IFRD1: variants seen among roughly 807,000 people sequenced by gnomAD.
IFRD1 encodes interferon related developmental regulator 1.
A neutral mutation model predicts 52.9 loss-of-function variants in IFRD1; 35 were observed. The ratio of observed to expected loss-of-function variants is 0.66; its 90% CI spans 0.51 to 0.88. IFRD1 has a LOEUF of 0.88. Among genes scored for constraint, IFRD1 ranks in the 40% least tolerant of loss-of-function variants. The probability of loss-of-function intolerance (pLI) is 0.00; values close to 1 mark genes in which losing one functional copy is unlikely to be tolerated. For synonymous variants in IFRD1, 184 were observed against 188.4 expected (o/e 0.98, Z 0.19); for missense variants, 517 against 550.8 (o/e 0.94, Z 0.61).
At chr7:112,472,903 A>G (rs1243381836) in intron 11 of IFRD1, 42 bp downstream of exon 11, 22 of 1,376,332 alleles carry the variant, frequency 1.6e-5, no homozygotes, top group Admixed American at 3.4e-5. Flanking sequence ...AGTGCGCCAA[A>G]GCTTTGATTC....
chr7:112,437,873 A>G (rs1794747241), intron 1 of IFRD1, among the ~76,000 whole-genome samples: 4 of 152,160 alleles, frequency 2.6e-5, no homozygotes, highest in Admixed American at 2.0e-4. Flanking sequence ...GAAGGAGAGG[A>G]AAGGACAGGG....
At chr7:112,435,748 A>G (rs1236959518) in intron 1 of IFRD1, 1 of 152,012 alleles carries the variant, frequency 6.6e-6, no homozygotes, top group Non-Finnish European at 1.5e-5. Flanking sequence ...TAACAGAAAT[A>G]TATTTATCTG....
chr7:112,435,002 A>G (rs1468639858), intron 1 of IFRD1, among the ~76,000 whole-genome samples: 1 of 152,204 alleles, frequency 6.6e-6, no homozygotes, highest in Non-Finnish European at 1.5e-5. Context: ...TATCATTTAA[A>G]AACTTCTTCT....
intron 8 of IFRD1, chr7:112,467,264 T>C (rs1417000607): frequency 6.6e-6 from 1 of 152,284 alleles, no homozygotes; most frequent in Non-Finnish European, 1.5e-5. Context: ...GTAAGAAGTG[T>C]CTGTTCTAGT....
chr7:112,467,904 C>T (rs1373343942), intron 8 of IFRD1, 77 bp from the exon 9 acceptor site: 1 of 1,345,682 alleles, frequency 7.4e-7, no homozygotes, highest in Admixed American at 1.7e-5. Flanking sequence ...CAAATGTAGA[C>T]TGTTCTTTGT....
At position 112,475,900 on chromosome 7, in the gene IFRD1, T is replaced by C. The variant is rs778290830; in HGVS notation, c.*381T>C. On this transcript the variant is annotated 3_prime_UTR_variant, in exon 12 of 12. Transcript: ENST00000403825. ...TTAACTTAATATCTTAGACAAGAGT[T>C]CTGGGTACAATTTTGGGATCTAGTT... The C allele has an allele frequency of 2.9e-5, 5 of 171,012 alleles. No individual in the cohort carries two copies. The highest frequency in any genetic ancestry group is 6.3e-5 in the Non-Finnish European group (5 of 79,766). The allele number at this position is 171,012 out of a possible 1,614,324, so 10.6% of individuals were successfully genotyped here. A position where few individuals can be genotyped will look rare whatever the true frequency, so the allele number is the denominator to read the frequency against.
At chr7:112,452,508 G>A in intron 1 of IFRD1, 1 of 931,978 alleles carries the variant, frequency 1.1e-6, no homozygotes, top group Non-Finnish European at 1.3e-6. Flanking sequence ...ATTCTTTCTA[G>A]AAGGTATTTA....
At chr7:112,443,343 T>TTGAGAGGCTGAGC (rs1554504525) in intron 1 of IFRD1, among the ~76,000 whole-genome samples, 3 of 151,496 alleles carry the variant, frequency 2.0e-5, no homozygotes, top group African/African-American at 2.4e-5. Context: ...TCCCAGCACT[T>TTGAGAGGCTGAGC]TGGGAGGACT....
At chr7:112,438,955 A>T (rs2117249338) in intron 1 of IFRD1, among the ~76,000 whole-genome samples, 1 of 152,322 alleles carries the variant, frequency 6.6e-6, no homozygotes, top group East Asian at 1.9e-4. Flanking sequence ...TTTCGGTTAA[A>T]AAAAGTTCTG....
intron 8 of IFRD1, among the ~76,000 whole-genome samples, chr7:112,463,885 CACACACACA>C (rs1184071223): frequency 0.16 from 4,191 of 26,878 alleles, 112 homozygotes; most frequent in African/African-American, 0.36. Flanking sequence ...CACACACACA[CACACACACA>C]CCCCACGTAT....
intron 1 of IFRD1, among the ~76,000 whole-genome samples, chr7:112,442,300 C>CTT (rs1263928766): frequency 6.6e-6 from 1 of 152,220 alleles, no homozygotes; most frequent in Non-Finnish European, 1.5e-5. Flanking sequence ...TCTTCCCTTG[C>CTT]TTACTGATGT....
intron 8 of IFRD1, among the ~76,000 whole-genome samples, chr7:112,463,012 ATC>A (rs1166479200): frequency 2.0e-5 from 3 of 152,142 alleles, no homozygotes; most frequent in Non-Finnish European, 4.4e-5. Flanking sequence ...GAAATCCTTT[ATC>A]TCGGGCAAAC....
chr7:112,440,227 T>C (rs1368022159), intron 1 of IFRD1, among the ~76,000 whole-genome samples: 1 of 152,174 alleles, frequency 6.6e-6, no homozygotes, highest in Non-Finnish European at 1.5e-5. Context: ...TCAAGTGATC[T>C]GTCTGCCTTG....
At chr7:112,423,437 G>A (rs1001694028) in intron 1 of IFRD1, 1 of 152,158 alleles carries the variant, frequency 6.6e-6, no homozygotes, top group Non-Finnish European at 1.5e-5. Flanking sequence ...CACAAGGTAG[G>A]TATTATCTCC....
intron 10 of IFRD1, 82 bp downstream of exon 10, chr7:112,472,429 T>A: frequency 6.9e-7 from 1 of 1,458,846 alleles, no homozygotes; most frequent in Non-Finnish European, 9.6e-7. Flanking sequence ...CTTTTGAAAT[T>A]AATTAGGTAT....
intron 8 of IFRD1, among the ~76,000 whole-genome samples, chr7:112,465,814 G>T (rs2396541): frequency 0.16 from 24,802 of 151,900 alleles, 2,152 homozygotes; most frequent in South Asian, 0.31. Context: ...TGGTTGTGAT[G>T]GCTACACAGA....
At chr7:112,452,704 G>T (rs1386551504) in intron 1 of IFRD1, among the ~76,000 whole-genome samples, 2 of 152,120 alleles carry the variant, frequency 1.3e-5, no homozygotes, top group East Asian at 3.9e-4. Context: ...GCTGTATGGG[G>T]ATTGCCTTTT....
intron 1 of IFRD1, among the ~76,000 whole-genome samples, chr7:112,432,784 A>G (rs1206878809): frequency 6.6e-6 from 1 of 152,222 alleles, no homozygotes; most frequent in African/African-American, 2.4e-5. Flanking sequence ...GTAGGGGTTT[A>G]TGGTTCAGCA....
chr7:112,452,692 T>A (rs1795195118), intron 1 of IFRD1, among the ~76,000 whole-genome samples: 1 of 152,192 alleles, frequency 6.6e-6, no homozygotes, highest in Admixed American at 6.5e-5. Flanking sequence ...AGGCCTCTGG[T>A]GGCTGTATGG....
Sources: gnomAD v4.1 joint callset for allele counts (sites outside exome capture counted in the v4.1 genomes callset) on GRCh38, gnomAD v4.1.1 for gene constraint, MANE v1.5 for transcripts, NCBI Gene and HGNC (gene_info 2026-07-23, HGNC 2026-07-21) for gene names.